The following TLL1 variants were observed in gnomAD, a reference collection of about 807,000 sequenced individuals.
TLL1 encodes tolloid like 1.
A neutral mutation model predicts 128.2 loss-of-function variants in TLL1; 49 were observed. The ratio of observed to expected loss-of-function variants is 0.38; its 90% CI spans 0.30 to 0.48. The LOEUF is 0.48. TLL1 is among the 20% of genes least tolerant of loss of function. TLL1 has a pLI of 0.96. For missense variants in TLL1, 1,123 were observed against 1,242.0 expected (o/e 0.90, Z 1.44); for synonymous variants, 454 against 418.8 (o/e 1.08, Z -1.03).
At chr4:166,094,606 G>A (rs951784589) in intron 19 of TLL1, among the ~76,000 whole-genome samples, 3 of 152,084 alleles carry the variant, frequency 2.0e-5, no homozygotes, top group Non-Finnish European at 4.4e-5. Flanking sequence ...ACATTTAATG[G>A]TAACTGAAAT....
chr4:165,878,691 T>G (rs1730830375), intron 1 of TLL1, among the ~76,000 whole-genome samples: 1 of 152,240 alleles, frequency 6.6e-6, no homozygotes, highest in East Asian at 1.9e-4. Flanking sequence ...TGCTTCTGGG[T>G]AGTGTCATTC....
chr4:165,949,204 A>G (rs959040765), intron 1 of TLL1, among the ~76,000 whole-genome samples: 1 of 152,146 alleles, frequency 6.6e-6, no homozygotes, highest in Non-Finnish European at 1.5e-5. Context: ...TGCAGGTAAT[A>G]TAAAGATTTG....
chr4:165,941,616 C>G (rs888503912), intron 1 of TLL1, among the ~76,000 whole-genome samples: 1 of 151,984 alleles, frequency 6.6e-6, no homozygotes, highest in Non-Finnish European at 1.5e-5. Context: ...ATATTTAATG[C>G]CCAGTGTCAA....
chr4:165,916,517 G>A (rs927621464), intron 1 of TLL1, among the ~76,000 whole-genome samples: 3 of 152,240 alleles, frequency 2.0e-5, no homozygotes, highest in Non-Finnish European at 2.9e-5. Flanking sequence ...GTGCATTGAT[G>A]GGTGGATATA....
At chr4:165,959,279 T>C (rs1734973988) in intron 1 of TLL1, among the ~76,000 whole-genome samples, 1 of 152,104 alleles carries the variant, frequency 6.6e-6, no homozygotes, top group Admixed American at 6.6e-5. Flanking sequence ...GGGGATGGCA[T>C]TGAATCTATA....
intron 12 of TLL1, among the ~76,000 whole-genome samples, chr4:166,046,718 G>A (rs1389345256): frequency 6.6e-6 from 1 of 152,110 alleles, no homozygotes; most frequent in African/African-American, 2.4e-5. Flanking sequence ...GGGCTGTTGG[G>A]TAAGAGTTCA....
At chr4:165,946,609 G>T (rs562621644) in intron 1 of TLL1, among the ~76,000 whole-genome samples, 1 of 150,572 alleles carries the variant, frequency 6.6e-6, no homozygotes, top group African/African-American at 2.5e-5. Flanking sequence ...CAAAGTGCTC[G>T]AATTATAGGC....
At chr4:165,883,463 T>C (rs1301077892) in intron 1 of TLL1, among the ~76,000 whole-genome samples, 1 of 152,182 alleles carries the variant, frequency 6.6e-6, no homozygotes, top group African/African-American at 2.4e-5. Context: ...ATAATAACCA[T>C]GTGTGGCTTT....
At chr4:165,910,567 C>G (rs2110870685) in intron 1 of TLL1, among the ~76,000 whole-genome samples, 1 of 152,222 alleles carries the variant, frequency 6.6e-6, no homozygotes, top group Middle Eastern at 3.4e-3. Flanking sequence ...CTATGTAGAG[C>G]CACACATTTC....
At chr4:166,015,098 T>G (rs976034501) in intron 8 of TLL1, among the ~76,000 whole-genome samples, 1 of 152,022 alleles carries the variant, frequency 6.6e-6, no homozygotes, top group Non-Finnish European at 1.5e-5. Flanking sequence ...AAAAGCAGAT[T>G]CATGAAACGT....
chr4:166,017,411 G>A (rs1738000009), intron 8 of TLL1, among the ~76,000 whole-genome samples: 1 of 152,072 alleles, frequency 6.6e-6, no homozygotes, highest in Admixed American at 6.6e-5. Flanking sequence ...CAGTGCATGT[G>A]TCTTTTCGGT....
intron 15 of TLL1, 111 bp from the exon 16 acceptor site, chr4:166,065,572 G>C (rs991209708): frequency 8.2e-7 from 1 of 1,212,126 alleles, no homozygotes; most frequent in Non-Finnish European, 1.2e-6. Context: ...GTTAGTTCTA[G>C]TTTGACTACC....
At chr4:165,961,807 A>T (rs1424775278) in intron 1 of TLL1, among the ~76,000 whole-genome samples, 1 of 152,202 alleles carries the variant, frequency 6.6e-6, no homozygotes, top group African/African-American at 2.4e-5. Flanking sequence ...GTCACCATAT[A>T]CAGAAATTAA....
At chr4:165,882,327 C>G (rs1304720083) in intron 1 of TLL1, among the ~76,000 whole-genome samples, 2 of 152,050 alleles carry the variant, frequency 1.3e-5, no homozygotes, top group Admixed American at 1.3e-4. Context: ...ATCATATTTT[C>G]TAGGATGAAG....
intron 10 of TLL1, among the ~76,000 whole-genome samples, chr4:166,041,814 C>A (rs1258866921): frequency 6.6e-6 from 1 of 152,120 alleles, no homozygotes; most frequent in Non-Finnish European, 1.5e-5. Context: ...TACTCTGAGG[C>A]TGATGGTCAA....
chr4:166,036,491 T>C (rs1257275849), intron 9 of TLL1, among the ~76,000 whole-genome samples: 1 of 152,206 alleles, frequency 6.6e-6, no homozygotes, highest in Non-Finnish European at 1.5e-5. Flanking sequence ...AGATGCAATA[T>C]GTTCACGTAA....
intron 1 of TLL1, among the ~76,000 whole-genome samples, chr4:165,966,166 A>G (rs1366646624): frequency 8.1e-6 from 1 of 122,790 alleles, no homozygotes; most frequent in Non-Finnish European, 1.7e-5. Context: ...CAACAGAGCA[A>G]GACTCCATCT....
At chr4:165,992,942 C>T (rs761461023) in intron 3 of TLL1, 58 bp downstream of exon 3, 1 of 1,323,386 alleles carries the variant, frequency 7.6e-7, no homozygotes, top group South Asian at 1.2e-5. Flanking sequence ...ATATTATACT[C>T]ATAGCAGTTC....
intron 19 of TLL1, among the ~76,000 whole-genome samples, chr4:166,093,897 A>G (rs965328744): frequency 5.3e-5 from 8 of 152,118 alleles, no homozygotes; most frequent in Admixed American, 2.6e-4. Flanking sequence ...CCTTGATTCC[A>G]TACAACATAT....
Sources: allele counts gnomAD v4.1 joint callset (sites outside exome capture counted in the v4.1 genomes callset), GRCh38; gene constraint gnomAD v4.1.1; transcripts MANE v1.5; gene names NCBI Gene and HGNC (gene_info 2026-07-23, HGNC 2026-07-21).